The following GABRG3 variants were observed in gnomAD, a reference collection of about 807,000 sequenced individuals.
The protein encoded by GABRG3 is gamma-aminobutyric acid type A receptor subunit gamma3.
A neutral mutation model predicts 48.8 loss-of-function variants in GABRG3; 25 were observed. The ratio of observed to expected loss-of-function variants is 0.51; its 90% CI spans 0.37 to 0.72. The LOEUF is 0.72. GABRG3 is among the 30% of genes least tolerant of loss of function. The probability of loss-of-function intolerance (pLI) is 0.00; values close to 1 mark genes in which losing one functional copy is unlikely to be tolerated. For synonymous variants in GABRG3, 227 were observed against 217.6 expected, an observed-to-expected ratio of 1.04 and a Z score of -0.38; for missense variants, 394 against 577.9, an observed-to-expected ratio of 0.68 and a Z score of 3.26.
intron 3 of GABRG3, among the ~76,000 whole-genome samples, chr15:27,238,247 T>C (rs1277583195): frequency 1.3e-5 from 2 of 152,064 alleles, no homozygotes; most frequent in African/African-American, 4.8e-5. Flanking sequence ...GAACTTACAG[T>C]TGTTTGATGT....
chr15:27,382,156 G>A (rs536520625), intron 5 of GABRG3, among the ~76,000 whole-genome samples: 19 of 152,268 alleles, frequency 1.2e-4, no homozygotes, highest in Non-Finnish European at 2.8e-4. Flanking sequence ...AATTTATTGA[G>A]TCTCTAATGT....
chr15:27,318,757 G>A (rs925862373), intron 3 of GABRG3, among the ~76,000 whole-genome samples: 5 of 152,106 alleles, frequency 3.3e-5, no homozygotes, highest in Admixed American at 6.5e-5. Context: ...AGTACTAAGG[G>A]CAGAGCTCCG....
intron 3 of GABRG3, among the ~76,000 whole-genome samples, chr15:27,153,587 T>C (rs1898363398): frequency 6.6e-6 from 1 of 152,248 alleles, no homozygotes; most frequent in African/African-American, 2.4e-5. Context: ...ATCTTTACGA[T>C]GTTTAATCTT....
At chr15:27,469,679 T>C (rs1264346952) in intron 5 of GABRG3, among the ~76,000 whole-genome samples, 1 of 152,182 alleles carries the variant, frequency 6.6e-6, no homozygotes, top group East Asian at 1.9e-4. Flanking sequence ...CTTCTATTTA[T>C]TTGGGCAGAA....
intron 4 of GABRG3, 120 bp downstream of exon 4, chr15:27,327,149 A>G (rs1369491107): frequency 7.1e-6 from 6 of 849,252 alleles, no homozygotes; most frequent in East Asian, 5.3e-5. Flanking sequence ...CGTGAGACAT[A>G]CTACAGCATC....
At chr15:27,335,558 T>G (rs148589703) in intron 5 of GABRG3, among the ~76,000 whole-genome samples, 173 of 152,278 alleles carry the variant, frequency 1.1e-3, no homozygotes, top group African/African-American at 4.0e-3. Flanking sequence ...GAAACATCAT[T>G]TAAGTCAAAT....
At chr15:27,485,045 C>A (rs986996787) in intron 6 of GABRG3, among the ~76,000 whole-genome samples, 9 of 152,170 alleles carry the variant, frequency 5.9e-5, no homozygotes, top group Non-Finnish European at 1.2e-4. Context: ...CACCTGGTGA[C>A]TTTCTTCCAA....
At chr15:26,979,859 A>G (rs1457801003) in intron 2 of GABRG3, among the ~76,000 whole-genome samples, 1 of 152,168 alleles carries the variant, frequency 6.6e-6, no homozygotes, top group Non-Finnish European at 1.5e-5. Context: ...GCTTTATACA[A>G]TGGGTTGGGA....
At chr15:27,295,445 C>T (rs1389880185) in intron 3 of GABRG3, among the ~76,000 whole-genome samples, 5 of 152,032 alleles carry the variant, frequency 3.3e-5, no homozygotes, top group Non-Finnish European at 5.9e-5. Flanking sequence ...CGAGGGAGAT[C>T]AGAACAAGGG....
intron 3 of GABRG3, among the ~76,000 whole-genome samples, chr15:27,090,399 C>T (rs1897164681): frequency 1.3e-5 from 2 of 152,166 alleles, no homozygotes; most frequent in African/African-American, 4.8e-5. Context: ...GCAGCACCTG[C>T]GTTTAGGAGT....
intron 3 of GABRG3, among the ~76,000 whole-genome samples, chr15:27,257,697 T>C (rs527424216): frequency 1.3e-5 from 2 of 152,284 alleles, no homozygotes; most frequent in African/African-American, 4.8e-5. Flanking sequence ...TTTAGACACA[T>C]GGTTTTGCTC....
rs150140195 is a variant in GABRG3, at chr15:27,248,767, AACAC to A, written c.271-78008_271-78005del. Among the ~76,000 whole-genome samples, 980 of 116,930 alleles carry A rather than the reference AACAC, an allele frequency of 8.4e-3. 10 individuals carry two copies. The highest frequency in any genetic ancestry group is 0.018 in the African/African-American group (491 of 27,330). The allele number at this position is 116,930 out of a possible 152,430, so 76.7% of individuals were successfully genotyped here. A position where few individuals can be genotyped will look rare whatever the true frequency, so the allele number is the denominator to read the frequency against. On this transcript the variant is annotated intron_variant, in intron 3 of 9. Transcript: ENST00000615808. ...TGGAAGAGTTTTAGGTGAGAAGGAA[AACAC>A]ACACACACACACACACACACACACA...
chr15:27,405,706 G>T (rs766537561), intron 5 of GABRG3, among the ~76,000 whole-genome samples: 15 of 152,126 alleles, frequency 9.9e-5, no homozygotes, highest in Non-Finnish European at 1.6e-4. Flanking sequence ...TTCTGTATGT[G>T]TGTGTGTTTG....
At chr15:27,067,921 A>G (rs773231112) in intron 3 of GABRG3, among the ~76,000 whole-genome samples, 19 of 152,224 alleles carry the variant, frequency 1.2e-4, no homozygotes, top group Non-Finnish European at 2.5e-4. Context: ...TCATACTTTG[A>G]ACATGAAAAG....
chr15:27,466,165 G>A (rs1024444567), intron 5 of GABRG3, among the ~76,000 whole-genome samples: 3 of 152,186 alleles, frequency 2.0e-5, no homozygotes, highest in East Asian at 3.9e-4. Flanking sequence ...GAAGAGTCTG[G>A]CGTAGTTTCT....
intron 2 of GABRG3, among the ~76,000 whole-genome samples, chr15:26,995,966 G>A (rs562635977): frequency 1.3e-5 from 2 of 152,166 alleles, no homozygotes; most frequent in South Asian, 4.1e-4. Flanking sequence ...CTCCAATGCA[G>A]CTGTATTCCT....
chr15:27,038,378 A>G (rs757772207), intron 3 of GABRG3, among the ~76,000 whole-genome samples: 4 of 152,100 alleles, frequency 2.6e-5, no homozygotes, highest in Non-Finnish European at 5.9e-5. Flanking sequence ...GTCATTCTGT[A>G]CCAAGGTCTT....
chr15:27,125,349 G>A (rs1490204552), intron 3 of GABRG3, among the ~76,000 whole-genome samples: 1 of 152,102 alleles, frequency 6.6e-6, no homozygotes, highest in Non-Finnish European at 1.5e-5. Flanking sequence ...GGCTGAGAAG[G>A]GAAGGGAGGA....
intron 4 of GABRG3, among the ~76,000 whole-genome samples, chr15:27,328,129 CAA>C (rs34834839): frequency 0.088 from 12,273 of 139,550 alleles, 1,118 homozygotes; most frequent in African/African-American, 0.24. Context: ...AAAAAAAAAC[CAA>C]AAAAAAAAAA....
Sources: gnomAD v4.1 joint callset for allele counts (sites outside exome capture counted in the v4.1 genomes callset) on GRCh38, gnomAD v4.1.1 for gene constraint, MANE v1.5 for transcripts, NCBI Gene and HGNC (gene_info 2026-07-23, HGNC 2026-07-21) for gene names.